MAP3K2: variants seen among roughly 807,000 people sequenced by gnomAD.
The protein encoded by MAP3K2 is MAP/ERK kinase kinase 2.
MAP3K2 carries 24 observed loss-of-function variants against 80.3 expected under a neutral mutation model. That is an observed-to-expected ratio of 0.30 (90% confidence interval 0.22 to 0.42). The LOEUF is 0.42. Ranked by LOEUF, MAP3K2 falls within the 10% of genes least tolerant of loss-of-function variation. The pLI, the probability that MAP3K2 is intolerant of heterozygous loss-of-function variation, is 1.00. For missense variants in MAP3K2, 608 were observed against 750.1 expected, an observed-to-expected ratio of 0.81 and a Z score of 2.21; for synonymous variants, 244 against 253.7, an observed-to-expected ratio of 0.96 and a Z score of 0.36.
chr2:127,323,809 T>G, intron 11 of MAP3K2, 93 bp downstream of exon 11: 1 of 537,432 alleles, frequency 1.9e-6, no homozygotes, highest in Non-Finnish European at 3.2e-6. Context: ...CTAATGGTAT[T>G]AACACAAATA....
chr2:127,350,434 T>G (rs1436402850), intron 1 of MAP3K2, among the ~76,000 whole-genome samples: 14 of 118,810 alleles, frequency 1.2e-4, no homozygotes, highest in African/African-American at 4.6e-4. Context: ...AGATCCCATC[T>G]CCTGAAACAA....
intron 1 of MAP3K2, among the ~76,000 whole-genome samples, chr2:127,367,935 T>C (rs1686999576): frequency 6.6e-6 from 1 of 152,222 alleles, no homozygotes; most frequent in African/African-American, 2.4e-5. Context: ...CTTAGGAGCA[T>C]CCAACTACAG....
At chr2:127,335,395 C>A (rs1274134068) in intron 5 of MAP3K2, among the ~76,000 whole-genome samples, 2 of 152,174 alleles carry the variant, frequency 1.3e-5, no homozygotes, top group Non-Finnish European at 2.9e-5. Flanking sequence ...GGTTTCTCCA[C>A]AACGCAGAGC....
At position 127,339,296 on chromosome 2, in the gene MAP3K2, A is replaced by G. The variant is rs1029502443; in HGVS notation, c.5-246T>C. ...AGATGAAGTCATTCTGATTCTTCCA[A>G]TGATTTAATATCCTAGAATAAGGTC... On this transcript the variant is annotated intron_variant, in intron 2 of 16. Coordinates refer to ENST00000682094, the MANE Select transcript of MAP3K2 (RefSeq NM_001371910.2). This position sits in a 1 kb window ranked among gnomAD's most constrained non-coding sequence, Gnocchi z 4.2. Among the ~76,000 whole-genome samples, 1 of 152,218 alleles carries G rather than the reference A, an allele frequency of 6.6e-6. No homozygotes were observed. Among genetic ancestry groups the G allele is most frequent in the Non-Finnish European group, 1.5e-5 (1 of 68,038 alleles).
At chr2:127,325,453 A>G (rs911003571) in intron 9 of MAP3K2, among the ~76,000 whole-genome samples, 2 of 152,212 alleles carry the variant, frequency 1.3e-5, no homozygotes, top group African/African-American at 2.4e-5. Context: ...CCAAGGCAGG[A>G]GGTTCGCTTG....
At position 127,303,096 on chromosome 2, in the gene MAP3K2, T is replaced by C. The variant is rs1687061340; in HGVS notation, c.*4483A>G. The C allele has an allele frequency of 1.3e-5, 2 of 152,020 alleles. No homozygotes were observed. Among genetic ancestry groups the C allele is most frequent in the South Asian group, 2.1e-4 (1 of 4,828 alleles). 9.4% of individuals were successfully genotyped at this position (152,020 alleles called of 1,614,324 possible). A position where few individuals can be genotyped will look rare whatever the true frequency, so the allele number is the denominator to read the frequency against. On this transcript the variant is annotated 3_prime_UTR_variant, in exon 17 of 17. Transcript: ENST00000682094. ...AAAAGGCACTACTAAAAATTAACAA[T>C]TGGATTGCTTTTCATTAACATTTAA...
Position 127,343,067 on chromosome 2 carries a change from T to C in MAP3K2, c.4+59A>G, listed in dbSNP as rs551415905. On this transcript the variant is annotated intron_variant, in intron 2 of 16. Coordinates refer to ENST00000682094, the MANE Select transcript of MAP3K2 (RefSeq NM_001371910.2). ...ATAATAACACATAATAGAGAAAGTT[T>C]TTTCACTTCCATTCTATCCTTTAAT... The C allele has an allele frequency of 2.8e-5, 40 of 1,426,898 alleles. No homozygotes were observed. In the African/African-American group the frequency reaches 3.9e-4, roughly 14 times the overall value. The allele number at this position is 1,426,898 out of a possible 1,614,324, so 88.4% of individuals were successfully genotyped here.
At chr2:127,331,495 T>C (rs902191424) in intron 5 of MAP3K2, among the ~76,000 whole-genome samples, 1 of 152,226 alleles carries the variant, frequency 6.6e-6, no homozygotes, top group African/African-American at 2.4e-5. Flanking sequence ...GCAGACAACC[T>C]GGTAAATGCT....
rs1158474261 is a variant in MAP3K2 at position 127,298,806 on chromosome 2, C to T, written c.*8773G>A. 1 of 152,140 alleles carries T rather than the reference C, an allele frequency of 6.6e-6. No individual in the cohort carries two copies. Among genetic ancestry groups the T allele is most frequent in the African/African-American group, 2.4e-5 (1 of 41,416 alleles). 9.4% of individuals were successfully genotyped at this position (152,140 alleles called of 1,614,324 possible). On this transcript the variant is annotated 3_prime_UTR_variant, in exon 17 of 17. Coordinates refer to ENST00000682094, the MANE Select transcript of MAP3K2 (RefSeq NM_001371910.2). Reference sequence around the variant, plus strand: ...AAAAAAATGAACATGTAAGAAAAAGCAGTTTTCATTGTGCTAATTATTGCA... The same window carrying T: ...AAAAAAATGAACATGTAAGAAAAAGTAGTTTTCATTGTGCTAATTATTGCA...
At chr2:127,375,095 G>A (rs1275492256) in intron 1 of MAP3K2, among the ~76,000 whole-genome samples, 1 of 152,158 alleles carries the variant, frequency 6.6e-6, no homozygotes, top group South Asian at 2.1e-4. Flanking sequence ...AGTAATGTAT[G>A]GTATGGTCCA....
intron 1 of MAP3K2, among the ~76,000 whole-genome samples, chr2:127,348,061 GA>G (rs1686629200): frequency 2.0e-5 from 3 of 152,126 alleles, no homozygotes; most frequent in Non-Finnish European, 4.4e-5. Context: ...CTGATGAAGA[GA>G]GAAACATGTC....
chr2:127,320,249 T>C (rs765182897), intron 12 of MAP3K2, among the ~76,000 whole-genome samples: 2 of 151,958 alleles, frequency 1.3e-5, no homozygotes, highest in African/African-American at 2.4e-5. Flanking sequence ...ATGGAAAAGG[T>C]AGACAACATG....
At chr2:127,376,013 C>T (rs1260143590) in intron 1 of MAP3K2, among the ~76,000 whole-genome samples, 2 of 152,142 alleles carry the variant, frequency 1.3e-5, no homozygotes, top group African/African-American at 2.4e-5. Context: ...GACAAACCTA[C>T]TGCACATATC....
chr2:127,314,936 A>C (rs1368070202), intron 14 of MAP3K2, 53 bp from the exon 15 acceptor site: 1 of 1,305,966 alleles, frequency 7.7e-7, no homozygotes, highest in Non-Finnish European at 1.1e-6. Flanking sequence ...TTGAAATGAA[A>C]ACTGCTATTA....
chr2:127,384,668 CTTTT>C (rs759223038), intron 1 of MAP3K2, among the ~76,000 whole-genome samples: 1 of 144,832 alleles, frequency 6.9e-6, no homozygotes, highest in Non-Finnish European at 1.5e-5. Flanking sequence ...ACAAAGTGGC[CTTTT>C]TTTTTTTTTA....
chr2:127,353,574 G>T (rs1268997929), intron 1 of MAP3K2, among the ~76,000 whole-genome samples: 3 of 151,576 alleles, frequency 2.0e-5, no homozygotes, highest in African/African-American at 4.9e-5. Flanking sequence ...AGGTGGGGGG[G>T]GTCAGCCCCC....
chr2:127,341,210 C>T (rs1238226167), intron 2 of MAP3K2, among the ~76,000 whole-genome samples: 2 of 151,826 alleles, frequency 1.3e-5, no homozygotes, highest in African/African-American at 2.4e-5. Flanking sequence ...AGGTTGGTCT[C>T]GATCTCCCGG....
At position 127,304,447 on chromosome 2, in the gene MAP3K2, A is replaced by G. The variant is rs921925631; in HGVS notation, c.*3132T>C. 2 of 152,164 alleles carry G rather than the reference A, an allele frequency of 1.3e-5. No individual in the cohort carries two copies. The highest frequency in any genetic ancestry group is 4.8e-5 in the African/African-American group (2 of 41,444). 9.4% of individuals were successfully genotyped at this position (152,164 alleles called of 1,614,324 possible). On this transcript the variant is annotated 3_prime_UTR_variant, in exon 17 of 17. Coordinates refer to ENST00000682094, the MANE Select transcript of MAP3K2 (RefSeq NM_001371910.2). ...CTTTGAATCTCTCAAGGCCTTAAGT[A>G]GAAAGATATTTCCTGAAAAGCACAT...
At position 127,321,951 on chromosome 2, in the gene MAP3K2, C is replaced by T. The variant is rs3732210; in HGVS notation, c.1045+95G>A. On this transcript the variant is annotated intron_variant, in intron 12 of 16. Coordinates refer to ENST00000682094, the MANE Select transcript of MAP3K2 (RefSeq NM_001371910.2). The surrounding 1 kb of genome is among the most constrained non-coding windows in gnomAD (Gnocchi z 4.4). ...TACCTTTTTTGAGTAGTTCATCTGACCCCAAAAACTCACTTAGTATTTATT... is the reference window on the plus strand; with the variant it reads ...TACCTTTTTTGAGTAGTTCATCTGATCCCAAAAACTCACTTAGTATTTATT... The T allele has an allele frequency of 0.04, 42,404 of 1,072,984 alleles. 1,022 individuals are homozygous for T. Among genetic ancestry groups the T allele is most frequent in the Middle Eastern group, 0.057 (195 of 3,404 alleles). The allele number at this position is 1,072,984 out of a possible 1,614,324, so 66.5% of individuals were successfully genotyped here. A position where few individuals can be genotyped will look rare whatever the true frequency, so the allele number is the denominator to read the frequency against.
Sources: allele counts gnomAD v4.1 joint callset (sites outside exome capture counted in the v4.1 genomes callset), GRCh38; gene constraint gnomAD v4.1.1; non-coding constraint Gnocchi (gnomAD v3.1); transcripts MANE v1.5; gene names NCBI Gene and HGNC (gene_info 2026-07-23, HGNC 2026-07-21).